Variants in ZNF722 observed in about 807,000 individuals in gnomAD.
ZNF722 encodes the protein zinc finger protein 722.
the ZNF722 span, among the ~76,000 whole-genome samples, chr7:64,004,425 A>AAAAAAAAAATATATATAT: frequency 4.9e-5 from 3 of 61,112 alleles, no homozygotes; most frequent in African/African-American, 2.4e-4. Flanking sequence ...AAAAAAAAAA[A>AAAAAAAAAATATATATAT]ATATATATAT....
At chr7:64,009,152 A>C in the ZNF722 span, among the ~76,000 whole-genome samples, 1 of 152,280 alleles carries the variant, frequency 6.6e-6, no homozygotes, top group African/African-American at 2.4e-5. Context: ...GGACTGAGAC[A>C]ATGGGGTTTT....
chr7:64,009,717 T>C, the ZNF722 span, among the ~76,000 whole-genome samples: 1 of 152,188 alleles, frequency 6.6e-6, no homozygotes, highest in African/African-American at 2.4e-5. Context: ...TTTTGTTGTG[T>C]CTCTGCCAGG....
the ZNF722 span, chr7:64,006,257 G>C: frequency 7.7e-7 from 1 of 1,298,584 alleles, no homozygotes; most frequent in Non-Finnish European, 1.1e-6. Context: ...TTGATTACCT[G>C]TCTGGAGCAA....
chr7:64,014,277 T>C, the ZNF722 span, among the ~76,000 whole-genome samples: 1 of 152,094 alleles, frequency 6.6e-6, no homozygotes, highest in African/African-American at 2.4e-5. Context: ...GGTTTTCCAT[T>C]TTTCTCATTG....
At chr7:64,017,202 G>C in the ZNF722 span, among the ~76,000 whole-genome samples, 4 of 152,108 alleles carry the variant, frequency 2.6e-5, no homozygotes, top group African/African-American at 9.7e-5. Context: ...TGGCCAACAT[G>C]GTGAAAGCCC....
the ZNF722 span, among the ~76,000 whole-genome samples, chr7:64,003,659 G>A: frequency 0.025 from 3,771 of 151,854 alleles, 141 homozygotes; most frequent in African/African-American, 0.086. Context: ...TAGTCAAGGC[G>A]TTCTGAAAAA....
the ZNF722 span, among the ~76,000 whole-genome samples, chr7:64,016,731 C>T: frequency 1.3e-5 from 2 of 151,982 alleles, no homozygotes; most frequent in African/African-American, 4.8e-5. Context: ...GGTTTCCATC[C>T]TTATTAATTA....
chr7:64,001,871 G>C, the ZNF722 span, among the ~76,000 whole-genome samples: 1 of 151,592 alleles, frequency 6.6e-6, no homozygotes, highest in Non-Finnish European at 1.5e-5. Flanking sequence ...TCAACTTCTG[G>C]TTTCGTTGAA....
the ZNF722 span, among the ~76,000 whole-genome samples, chr7:64,011,645 T>C: frequency 6.6e-6 from 1 of 152,194 alleles, no homozygotes; most frequent in Admixed American, 6.5e-5. Context: ...TTTCCCTTTG[T>C]GGGTAACCCG....
chr7:64,013,254 A>G, the ZNF722 span, among the ~76,000 whole-genome samples: 2 of 151,904 alleles, frequency 1.3e-5, no homozygotes, highest in Non-Finnish European at 2.9e-5. Flanking sequence ...TTATGTTGCT[A>G]TTTTATTTCT....
the ZNF722 span, chr7:64,015,487 A>G: frequency 1.9e-6 from 3 of 1,612,430 alleles, no homozygotes; most frequent in Non-Finnish European, 2.5e-6. Flanking sequence ...GAGAAACCCT[A>G]CAGATGTGAG....
the ZNF722 span, among the ~76,000 whole-genome samples, chr7:64,014,206 C>T: frequency 6.6e-6 from 1 of 151,644 alleles, no homozygotes; most frequent in African/African-American, 2.4e-5. Flanking sequence ...TTTTTACTTC[C>T]ACAATTGTTT....
the ZNF722 span, chr7:64,015,937 C>A: frequency 7.3e-7 from 1 of 1,369,768 alleles, no homozygotes; most frequent in Non-Finnish European, 1.0e-6. Context: ...AAATTCTAGC[C>A]CTCAGGCCTT....
chr7:64,002,127 C>T, the ZNF722 span, among the ~76,000 whole-genome samples: 9 of 152,194 alleles, frequency 5.9e-5, no homozygotes, highest in South Asian at 2.1e-4. Context: ...GTGATCTGCC[C>T]GCCTTGGACT....
At chr7:64,017,802 T>C in the ZNF722 span, among the ~76,000 whole-genome samples, 1 of 152,342 alleles carries the variant, frequency 6.6e-6, no homozygotes, top group East Asian at 1.9e-4. Flanking sequence ...TAACAGTATA[T>C]ACATTTCAAA....
At chr7:64,015,368 T>G in the ZNF722 span, 40 of 1,497,394 alleles carry the variant, frequency 2.7e-5, no homozygotes, top group Middle Eastern at 5.1e-4. Context: ...CACACCTAAA[T>G]CAACATCAGA....
the ZNF722 span, among the ~76,000 whole-genome samples, chr7:64,013,634 A>G: frequency 2.0e-5 from 3 of 152,116 alleles, no homozygotes; most frequent in Non-Finnish European, 4.4e-5. Flanking sequence ...TTTTATGCTT[A>G]TATCTTTCAA....
chr7:64,006,186 A>G, the ZNF722 span: 2 of 1,078,976 alleles, frequency 1.9e-6, no homozygotes, highest in South Asian at 1.9e-5. Context: ...TAAAGAATTC[A>G]GCAAGATTTA....
the ZNF722 span, among the ~76,000 whole-genome samples, chr7:64,013,622 AT>A: frequency 1.6e-3 from 241 of 152,186 alleles, 2 homozygotes; most frequent in African/African-American, 5.6e-3. Context: ...TTTTATGATT[AT>A]TTTTATGCTT....
Sources: allele counts gnomAD v4.1 joint callset (sites outside exome capture counted in the v4.1 genomes callset), GRCh38; gene constraint gnomAD v4.1.1; transcripts MANE v1.5; gene names NCBI Gene and HGNC (gene_info 2026-07-23, HGNC 2026-07-21).